Variants in FCHO2 observed in about 807,000 individuals in gnomAD.
FCHO2 encodes the protein FCH and mu domain containing endocytic adaptor 2.
Under a neutral mutation model 114.1 loss-of-function variants are expected in FCHO2, and 43 were observed. That is an observed-to-expected ratio of 0.38 (90% CI 0.30 to 0.49). The LOEUF is 0.49. Among genes scored for constraint, FCHO2 ranks in the 20% least tolerant of loss-of-function variants. The probability of loss-of-function intolerance (pLI) is 0.97; values close to 1 mark genes in which losing one functional copy is unlikely to be tolerated. For missense variants in FCHO2, 807 were observed against 950.4 expected (o/e 0.85, Z 1.98); for synonymous variants, 293 against 315.2 (o/e 0.93, Z 0.75).
intron 8 of FCHO2, among the ~76,000 whole-genome samples, chr5:73,033,577 C>G (rs998422776): frequency 1.3e-5 from 2 of 152,092 alleles, no homozygotes; most frequent in South Asian, 4.1e-4. Flanking sequence ...ATCATCTACT[C>G]TCTGTTTCAA....
At chr5:72,997,147 G>A (rs1166819723) in intron 5 of FCHO2, 24 of 1,114,836 alleles carry the variant, frequency 2.2e-5, no homozygotes, top group Non-Finnish European at 3.3e-5. Context: ...ACCATGATGG[G>A]GTCCTGAGGC....
Position 73,077,464 on chromosome 5 carries a change from G to T in FCHO2, c.1818G>T (p.Gln606His). ...TGAAAAATATCAGCAGACTAGAGCA[G>T]ATTCTTCCAAATGCACAGCTTGTGT... ...FRVKNISRLEQILPNAQLVFS... is the reference protein window; with the variant it reads ...FRVKNISRLEHILPNAQLVFS... The change falls in exon 21 of 26, where the codon CAG becomes CAT. Residue 606 changes from glutamine (Q) to histidine (H), a missense_variant. Transcript: ENST00000430046. The T allele has an allele frequency of 6.2e-7, 1 of 1,602,786 alleles. No homozygotes were observed. Among genetic ancestry groups the T allele is most frequent in the Non-Finnish European group, 8.5e-7 (1 of 1,174,472 alleles).
At chr5:72,964,281 T>C (rs1393908306) in intron 1 of FCHO2, among the ~76,000 whole-genome samples, 1 of 152,204 alleles carries the variant, frequency 6.6e-6, no homozygotes, top group Non-Finnish European at 1.5e-5. Context: ...AAACAATTTT[T>C]TGAAAGGTAG....
chr5:73,051,609 C>T (rs983147005), intron 12 of FCHO2, among the ~76,000 whole-genome samples: 34 of 151,970 alleles, frequency 2.2e-4, no homozygotes, highest in Middle Eastern at 3.4e-3. Flanking sequence ...CTCTCTTGCC[C>T]GGGCAGGAGT....
At chr5:73,080,300 A>C (rs1351148278) in intron 22 of FCHO2, among the ~76,000 whole-genome samples, 1 of 152,244 alleles carries the variant, frequency 6.6e-6, no homozygotes, top group Non-Finnish European at 1.5e-5. Flanking sequence ...TCCAGTATTA[A>C]GAAGGTTATG....
chr5:73,083,391 T>A lies in FCHO2; in HGVS notation c.2245+566T>A, dbSNP rs185937101. Among the ~76,000 whole-genome samples, 583 of 152,338 alleles carry A rather than the reference T, an allele frequency of 3.8e-3. 2 individuals are homozygous for A. The highest frequency in any genetic ancestry group is 0.013 in the African/African-American group (547 of 41,584). On this transcript the variant is annotated intron_variant, in intron 24 of 25. Transcript: ENST00000430046. ...CTATAAGAAAAAATTTATTTTGCCA[T>A]AACTTTATAAATATTATGTAAATAC...
chr5:73,029,119 A>T (rs1756096356), intron 8 of FCHO2, among the ~76,000 whole-genome samples: 3 of 152,246 alleles, frequency 2.0e-5, no homozygotes, highest in African/African-American at 7.2e-5. Flanking sequence ...AAAATTCATT[A>T]AACTGTACAA....
chr5:72,992,630 A>G (rs570923424), intron 5 of FCHO2, among the ~76,000 whole-genome samples: 2 of 152,342 alleles, frequency 1.3e-5, no homozygotes, highest in East Asian at 3.9e-4. Flanking sequence ...GGTTGCTGAC[A>G]AGAACTAAAG....
At chr5:73,076,463 C>T (rs893954715) in intron 20 of FCHO2, among the ~76,000 whole-genome samples, 2 of 152,050 alleles carry the variant, frequency 1.3e-5, no homozygotes, top group Non-Finnish European at 2.9e-5. Flanking sequence ...ATATATATTT[C>T]AGCATGTCTG....
At chr5:72,987,596 C>T (rs1208362259) in intron 2 of FCHO2, among the ~76,000 whole-genome samples, 3 of 152,092 alleles carry the variant, frequency 2.0e-5, no homozygotes, top group Admixed American at 6.5e-5. Context: ...CCTCGGCCTC[C>T]CAAAGTACTG....
chr5:73,017,098 G>A, intron 7 of FCHO2, 114 bp from the exon 8 acceptor site: 1 of 625,974 alleles, frequency 1.6e-6, no homozygotes, highest in Non-Finnish European at 2.6e-6. Context: ...AAAGGGCCTT[G>A]GGTCAAAAAT....
chr5:73,078,671 G>A (rs1023373676), intron 22 of FCHO2, among the ~76,000 whole-genome samples: 14 of 152,270 alleles, frequency 9.2e-5, no homozygotes, highest in African/African-American at 3.4e-4. Flanking sequence ...GGATGTGTTA[G>A]CCAGTACAGT....
intron 2 of FCHO2, among the ~76,000 whole-genome samples, chr5:72,981,130 A>T (rs1438778386): frequency 1.3e-5 from 2 of 151,916 alleles, no homozygotes; most frequent in African/African-American, 4.8e-5. Context: ...CTCTTGTAAG[A>T]CTGGCCTGGT....
intron 1 of FCHO2, among the ~76,000 whole-genome samples, chr5:72,968,028 C>T (rs1014027648): frequency 2.0e-5 from 3 of 151,332 alleles, no homozygotes; most frequent in South Asian, 2.1e-4. Context: ...GGGTTCACGC[C>T]GTTCTCCTGC....
chr5:73,079,539 G>T (rs1305275053), intron 22 of FCHO2, among the ~76,000 whole-genome samples: 1 of 152,136 alleles, frequency 6.6e-6, no homozygotes, highest in African/African-American at 2.4e-5. Context: ...GTGAATCCCT[G>T]TTAGACTTTT....
chr5:72,986,849 AT>A (rs1753546605), intron 2 of FCHO2, among the ~76,000 whole-genome samples: 1 of 150,030 alleles, frequency 6.7e-6, no homozygotes, highest in Non-Finnish European at 1.5e-5. Context: ...TTTATACAAT[AT>A]TTTAACTATT....
chr5:73,030,510 A>G (rs1756179230), intron 8 of FCHO2, among the ~76,000 whole-genome samples: 1 of 152,222 alleles, frequency 6.6e-6, no homozygotes, highest in African/African-American at 2.4e-5. Context: ...CAGAATCCGT[A>G]TTTTAATAAG....
Position 73,068,564 on chromosome 5 carries a change from T to C in FCHO2, c.1450-86T>C, listed in dbSNP as rs142389225. ...CTCACACAGTAAATTTGGTTTGGTA[T>C]GTTAAATTTACCTCATACTTAAAAA... On this transcript the variant is annotated intron_variant, in intron 18 of 25. Coordinates refer to ENST00000430046, the MANE Select transcript of FCHO2 (RefSeq NM_138782.3). 2.6e-5 allele frequency: 38 copies of C among 1,452,174 alleles called. No homozygotes were observed. In the African/African-American group the frequency reaches 4.5e-4, roughly 17 times the overall value. The allele number at this position is 1,452,174 out of a possible 1,614,324, so 90.0% of individuals were successfully genotyped here.
At chr5:73,011,933 C>T (rs1300731284) in intron 6 of FCHO2, among the ~76,000 whole-genome samples, 1 of 151,812 alleles carries the variant, frequency 6.6e-6, no homozygotes, top group Non-Finnish European at 1.5e-5. Context: ...AAAGTATCGC[C>T]TATGGTAACA....
Sources: gnomAD v4.1 joint callset for allele counts (sites outside exome capture counted in the v4.1 genomes callset) on GRCh38, gnomAD v4.1.1 for gene constraint, MANE v1.5 for transcripts, NCBI Gene and HGNC (gene_info 2026-07-23, HGNC 2026-07-21) for gene names.